MAP4: variants seen among roughly 807,000 people sequenced by gnomAD.
MAP4 encodes microtubule associated protein 4.
A neutral mutation model predicts 170.2 loss-of-function variants in MAP4; 76 were observed. That is an observed-to-expected ratio of 0.45 (90% confidence interval 0.37 to 0.54). MAP4 has a LOEUF of 0.54. Ranked by LOEUF, MAP4 falls within the 20% of genes least tolerant of loss-of-function variation. The pLI is 0.00. For missense variants in MAP4, 2,506 were observed against 2,748.0 expected, an observed-to-expected ratio of 0.91 and a Z score of 1.97; for synonymous variants, 909 against 994.5, an observed-to-expected ratio of 0.91 and a Z score of 1.62.
chr3:48,001,789 C>T (rs1005565086), intron 1 of MAP4, among the ~76,000 whole-genome samples: 1 of 152,222 alleles, frequency 6.6e-6, no homozygotes, highest in Admixed American at 6.5e-5. Flanking sequence ...GTGTGAGCCC[C>T]TGCGCCCAGC....
At chr3:48,066,789 C>T (rs2100138441) in intron 1 of MAP4, among the ~76,000 whole-genome samples, 1 of 146,262 alleles carries the variant, frequency 6.8e-6, no homozygotes, top group Admixed American at 6.9e-5. Context: ...CTGTCCCCAC[C>T]TCTTTATTCT....
intron 2 of MAP4, among the ~76,000 whole-genome samples, chr3:47,983,022 C>T (rs1178057846): frequency 3.9e-5 from 6 of 151,970 alleles, no homozygotes; most frequent in Admixed American, 3.9e-4. Context: ...CTCAACATCC[C>T]AAGTAGCTGG....
At chr3:48,067,292 C>T (rs1355674164) in intron 1 of MAP4, among the ~76,000 whole-genome samples, 2 of 152,126 alleles carry the variant, frequency 1.3e-5, no homozygotes, top group African/African-American at 4.8e-5. Context: ...AAAACCTCAA[C>T]ACAATACTAA....
At chr3:48,001,238 T>C (rs1354811659) in intron 1 of MAP4, among the ~76,000 whole-genome samples, 2 of 152,336 alleles carry the variant, frequency 1.3e-5, no homozygotes, top group Admixed American at 1.3e-4. Context: ...TGGAGATAGT[T>C]TGTCTCTACC....
chr3:47,881,011 C>T (rs553553753), intron 10 of MAP4, among the ~76,000 whole-genome samples: 183 of 152,222 alleles, frequency 1.2e-3, no homozygotes, highest in Non-Finnish European at 1.2e-3. Context: ...TGTACTTCTC[C>T]TTTTAGCTCT....
Position 48,034,987 on chromosome 3 carries a change from T to C in MAP4, c.-19-36108A>G, listed in dbSNP as rs372169520. Among the ~76,000 whole-genome samples the C allele has an allele frequency of 4.6e-5, 7 of 152,148 alleles. No homozygotes were observed. The East Asian group carries it at 9.7e-4, about 21-fold the overall frequency. Reference sequence around the variant, plus strand: ...GTGACTGCACCACTGCACTCCAGCCTGGGAGACAGAGAGTGAGACACTGTC... The same window carrying C: ...GTGACTGCACCACTGCACTCCAGCCCGGGAGACAGAGAGTGAGACACTGTC... On this transcript the variant is annotated intron_variant, in intron 1 of 18. Transcript: ENST00000360240.
At chr3:47,999,177 TA>T (rs932955085) in intron 1 of MAP4, among the ~76,000 whole-genome samples, 1 of 151,922 alleles carries the variant, frequency 6.6e-6, no homozygotes, top group African/African-American at 2.4e-5. Flanking sequence ...AAGTGAGGTG[TA>T]AAAAAACCCC....
At chr3:48,002,953 A>AT (rs2100100043) in intron 1 of MAP4, among the ~76,000 whole-genome samples, 3 of 125,362 alleles carry the variant, frequency 2.4e-5, no homozygotes, top group South Asian at 2.4e-4. Flanking sequence ...CATTAAGGCC[A>AT]AAAATAAATA....
intron 3 of MAP4, among the ~76,000 whole-genome samples, chr3:47,931,337 C>T (rs974096457): frequency 2.6e-5 from 4 of 152,130 alleles, no homozygotes; most frequent in African/African-American, 9.7e-5. Flanking sequence ...CCTGTGATCA[C>T]ACTACTGCCT....
intron 1 of MAP4, among the ~76,000 whole-genome samples, chr3:48,027,777 G>A (rs2100113889): frequency 6.6e-6 from 1 of 152,168 alleles, no homozygotes; most frequent in African/African-American, 2.4e-5. Flanking sequence ...GGTCAAGGCT[G>A]CAGTGAGCCA....
chr3:47,863,542 C>T (rs1293375395), intron 17 of MAP4, among the ~76,000 whole-genome samples: 3 of 152,072 alleles, frequency 2.0e-5, no homozygotes, highest in Non-Finnish European at 4.4e-5. Context: ...GGAGCAATCA[C>T]GGCATCACAC....
intron 1 of MAP4, among the ~76,000 whole-genome samples, chr3:48,045,662 AG>A (rs1181533282): frequency 6.6e-6 from 1 of 152,196 alleles, no homozygotes; most frequent in Non-Finnish European, 1.5e-5. Flanking sequence ...ATAATGTTTA[AG>A]TTCTTTGAAA....
chr3:47,987,190 C>T (rs934562842), intron 2 of MAP4, among the ~76,000 whole-genome samples: 1 of 152,110 alleles, frequency 6.6e-6, no homozygotes, highest in African/African-American at 2.4e-5. Context: ...AACTTGAGGT[C>T]GCTAGTAAAC....
chr3:47,998,813 G>A lies in MAP4; in HGVS notation c.48C>T (p.Asp16=), dbSNP rs375224658. The change falls in exon 2 of 21, where the codon GAC becomes GAT. Residue 16 remains aspartate, a synonymous_variant. Transcript: ENST00000683076. ...AGTCCCGCTTTATCTCTCCCTCAAT[G>A]TCTGGAGATGGTTCTGTTAATGCAT... ...LADALTEPSP[D]IEGEIKRDFI... The A allele has an allele frequency of 1.7e-4, 279 of 1,614,008 alleles. No homozygotes were observed. Among genetic ancestry groups the A allele is most frequent in the Admixed American group, 8.3e-4 (50 of 59,996 alleles).
intron 10 of MAP4, among the ~76,000 whole-genome samples, chr3:47,898,804 T>A (rs1240325450): frequency 6.6e-6 from 1 of 151,962 alleles, no homozygotes; most frequent in African/African-American, 2.4e-5. Context: ...AAAAAAATGT[T>A]TTTTAGCCAG....
At chr3:48,046,300 G>A (rs2100124557) in intron 1 of MAP4, among the ~76,000 whole-genome samples, 1 of 152,142 alleles carries the variant, frequency 6.6e-6, no homozygotes, top group African/African-American at 2.4e-5. Flanking sequence ...TTGCACAGTT[G>A]TTACTTATGT....
At chr3:47,958,493 T>C (rs765563683) in intron 3 of MAP4, among the ~76,000 whole-genome samples, 23 of 152,126 alleles carry the variant, frequency 1.5e-4, no homozygotes, top group Admixed American at 4.6e-4. Flanking sequence ...CTTCTTCCCA[T>C]TATTATAAGT....
intron 3 of MAP4, among the ~76,000 whole-genome samples, chr3:47,936,255 G>A (rs2153941523): frequency 6.6e-6 from 1 of 152,022 alleles, no homozygotes; most frequent in Non-Finnish European, 1.5e-5. Flanking sequence ...CCAACGTGGT[G>A]AAAACCCGTC....
At chr3:47,900,650 C>T (rs1379510603) in intron 10 of MAP4, among the ~76,000 whole-genome samples, 3 of 152,038 alleles carry the variant, frequency 2.0e-5, no homozygotes, top group Non-Finnish European at 2.9e-5. Context: ...GCAGGAGAAT[C>T]GCTTGAACCT....
Sources: gnomAD v4.1 joint callset for allele counts (sites outside exome capture counted in the v4.1 genomes callset) on GRCh38, gnomAD v4.1.1 for gene constraint, MANE v1.5 for transcripts, NCBI Gene and HGNC (gene_info 2026-07-23, HGNC 2026-07-21) for gene names.